PAPLN: variants seen among roughly 807,000 people sequenced by gnomAD.
PAPLN encodes the protein papilin.
In PAPLN, 146 loss-of-function variants were observed where a neutral mutation model predicts 159.0. The observed-to-expected ratio is 0.92, with a 90% CI of 0.80 to 1.05. The LOEUF is 1.05. Among genes scored for constraint, PAPLN ranks in the 50% least tolerant of loss-of-function variants. The pLI is 0.00. For missense variants in PAPLN, 1,720 were observed against 1,743.9 expected (o/e 0.99, Z 0.24); for synonymous variants, 734 against 702.9 (o/e 1.04, Z -0.70).
intron 5 of PAPLN, 66 bp from the exon 6 acceptor site, chr14:73,249,907 GCTAGGGTAAGC>G: frequency 6.8e-7 from 1 of 1,466,068 alleles, no homozygotes; most frequent in Non-Finnish European, 9.1e-7. Flanking sequence ...CTTTCCTGTT[GCTAGGGTAAGC>G]CTTGGGTCTT....
At chr14:73,258,916 C>T (rs1002283539) in intron 14 of PAPLN, 63 bp from the exon 15 acceptor site, 15 of 1,456,310 alleles carry the variant, frequency 1.0e-5, no homozygotes, top group African/African-American at 1.4e-5. Context: ...GGGCTGGCCA[C>T]AGCTCAGGTC....
intron 26 of PAPLN, among the ~76,000 whole-genome samples, chr14:73,271,691 G>A (rs1010362574): frequency 6.6e-6 from 1 of 152,032 alleles, no homozygotes; most frequent in Admixed American, 6.6e-5. Flanking sequence ...TAGTAGAGAT[G>A]GGGTTTCACC....
chr14:73,253,692 C>T lies in PAPLN; in HGVS notation c.1095-62C>T, dbSNP rs1021027549. The stretch of plus-strand genomic sequence containing the variant: ...ACCTGTGTGAGTGAGGGCAGAAACC[C>T]TCAGGGCTGGGTTTCTGCCCATGCT... On this transcript the variant is annotated intron_variant, in intron 11 of 26. Coordinates refer to ENST00000644200, the MANE Select transcript of PAPLN (RefSeq NM_001365906.3). 6 of 1,484,304 alleles carry T rather than the reference C, an allele frequency of 4.0e-6. No homozygotes were observed. In the East Asian group the frequency reaches 6.9e-5, roughly 17 times the overall value. The allele number at this position is 1,484,304 out of a possible 1,614,324, so 91.9% of individuals were successfully genotyped here.
rs1566685227 is a variant in PAPLN at position 73,252,754 on chromosome 14, A to C, written c.1073A>C (p.His358Pro). Residue 358 changes from histidine (H) to proline (P), a missense_variant, in exon 11 of 27, where the codon CAC becomes CCC. Transcript: ENST00000644200. ...GCTGACCGGCGTTCCTGCAATCTTC[A>C]CCCTTGCCCGGAGACCAAGCGGTGA... ...RPADRRSCNL[H>P]PCPETKRWKA... 6.2e-7 allele frequency: 1 copy of C among 1,613,230 alleles called. No individual in the cohort carries two copies. The highest frequency in any genetic ancestry group is 8.5e-7 in the Non-Finnish European group (1 of 1,179,934).
chr14:73,246,020 GGCGGACCTCGGACTCC>G, intron 4 of PAPLN, 37 bp from the exon 5 acceptor site: 1 of 1,463,528 alleles, frequency 6.8e-7, no homozygotes, highest in Non-Finnish European at 9.0e-7. Flanking sequence ...GCGGGAGGTG[GGCGGACCTCGGACTCC>G]GCCCTCCTGG....
At chr14:73,249,269 A>G in intron 5 of PAPLN, among the ~76,000 whole-genome samples, 1 of 152,268 alleles carries the variant, frequency 6.6e-6, no homozygotes, top group East Asian at 1.9e-4. Flanking sequence ...AGTAATCACC[A>G]TTTTGCATTC....
chr14:73,266,437 G>A, intron 23 of PAPLN, 64 bp from the exon 24 acceptor site: 1 of 1,586,294 alleles, frequency 6.3e-7, no homozygotes, highest in Non-Finnish European at 8.6e-7. Context: ...ATGCTCGAGG[G>A]ACGGAGCTGG....
chr14:73,267,654 C>T (rs776264541), intron 25 of PAPLN, among the ~76,000 whole-genome samples: 5 of 152,232 alleles, frequency 3.3e-5, no homozygotes, highest in South Asian at 2.1e-4. Context: ...GGAGAGGTGA[C>T]GCGATTGCGG....
chr14:73,270,393 T>A (rs973691863), intron 26 of PAPLN, among the ~76,000 whole-genome samples: 3 of 152,194 alleles, frequency 2.0e-5, no homozygotes, highest in African/African-American at 7.2e-5. Context: ...TTCCCGCCGC[T>A]CGCAGCTCGG....
At chr14:73,238,935 G>A (rs1257038393) in intron 1 of PAPLN, among the ~76,000 whole-genome samples, 1 of 152,128 alleles carries the variant, frequency 6.6e-6, no homozygotes, top group Non-Finnish European at 1.5e-5. Context: ...ACTGAAGGGC[G>A]CACATTGTTT....
chr14:73,265,530 T>G lies in PAPLN; in HGVS notation c.3263+23T>G. The G allele has an allele frequency of 6.2e-7, 1 of 1,609,732 alleles. No individual in the cohort carries two copies. Among genetic ancestry groups the G allele is most frequent in the Non-Finnish European group, 8.5e-7 (1 of 1,177,628 alleles). ...CAGGTTTATTTGACTCCTCTCCCCT[T>G]CCTCCTATTCTGCCTCCAGCCCCAC... is the stretch of plus-strand genomic sequence containing the variant. On this transcript the variant is annotated intron_variant, in intron 23 of 26. Transcript: ENST00000644200. This position sits in a 1 kb window ranked among gnomAD's most constrained non-coding sequence, Gnocchi z 4.1.
chr14:73,245,913 C>T lies in PAPLN; in HGVS notation c.232-160C>T, dbSNP rs1321426862. The T allele has an allele frequency of 9.1e-6, 8 of 877,528 alleles. No individual in the cohort carries two copies. The highest frequency in any genetic ancestry group is 8.8e-5 in the Admixed American group (3 of 34,100). The allele number at this position is 877,528 out of a possible 1,614,324, so 54.4% of individuals were successfully genotyped here. On this transcript the variant is annotated intron_variant, in intron 4 of 26. Transcript: ENST00000644200. The surrounding 1 kb of genome is among the most constrained non-coding windows in gnomAD (Gnocchi z 4.2). ...CAGCCTAGAGCACCATGGAGGGGCA[C>T]GCACAGGAGTTCGGGGGTCCGGGGG...
At chr14:73,260,675 C>G (rs1236339076) in intron 16 of PAPLN, 34 bp from the exon 17 acceptor site, 2 of 1,417,640 alleles carry the variant, frequency 1.4e-6, no homozygotes, top group Non-Finnish European at 1.8e-6. Flanking sequence ...TGGGGGCAGG[C>G]TGGGCAGTGA....
chr14:73,267,483 G>C (rs1887339465), intron 25 of PAPLN, among the ~76,000 whole-genome samples: 1 of 152,224 alleles, frequency 6.6e-6, no homozygotes, highest in Non-Finnish European at 1.5e-5. Context: ...ACTGCTGTCT[G>C]TGCACAGAGG....
chr14:73,249,836 C>T (rs1885035628), intron 5 of PAPLN, 148 bp from the exon 6 acceptor site: 2 of 817,620 alleles, frequency 2.4e-6, no homozygotes. Context: ...GGTCCCTTCT[C>T]CTGGGGATGG....
intron 3 of PAPLN, chr14:73,244,985 G>C (rs1397469180): frequency 2.3e-6 from 1 of 436,528 alleles, no homozygotes; most frequent in African/African-American, 2.1e-5. Flanking sequence ...TGTTGCCCCT[G>C]GTCTCCAGCT....
chr14:73,266,241 G>A (rs958898442), intron 23 of PAPLN, among the ~76,000 whole-genome samples: 5 of 152,180 alleles, frequency 3.3e-5, no homozygotes, highest in African/African-American at 1.2e-4. Context: ...GGGAGGCTGA[G>A]GGAGAATTGC....
intron 12 of PAPLN, 65 bp from the exon 13 acceptor site, chr14:73,254,448 C>A: frequency 6.3e-7 from 1 of 1,577,714 alleles, no homozygotes; most frequent in African/African-American, 1.3e-5. Context: ...GGGCCGCTAG[C>A]TGTCCGAACT....
intron 11 of PAPLN, among the ~76,000 whole-genome samples, 172 bp downstream of exon 11, chr14:73,252,947 A>G (rs1015551750): frequency 6.6e-6 from 1 of 152,152 alleles, no homozygotes; most frequent in African/African-American, 2.4e-5. Context: ...GAGGCAGAGA[A>G]TAGGCCTGAG....
Sources: gnomAD v4.1 joint callset for allele counts (sites outside exome capture counted in the v4.1 genomes callset) on GRCh38, gnomAD v4.1.1 for gene constraint, Gnocchi (gnomAD v3.1) non-coding constraint, MANE v1.5 for transcripts, NCBI Gene and HGNC (gene_info 2026-07-23, HGNC 2026-07-21) for gene names.